Variants in PDE4D observed in about 807,000 individuals in gnomAD.
The protein encoded by PDE4D is 3',5'-cyclic-AMP phosphodiesterase 4D.
A neutral mutation model predicts 87.4 loss-of-function variants in PDE4D; 24 were observed. That is an observed-to-expected ratio of 0.27 (90% CI 0.20 to 0.39). PDE4D has a LOEUF of 0.39. PDE4D is among the 10% of genes least tolerant of loss of function. The probability of loss-of-function intolerance (pLI) is 1.00; values close to 1 mark genes in which losing one functional copy is unlikely to be tolerated. For synonymous variants in PDE4D, 384 were observed against 383.2 expected (o/e 1.00, Z -0.02); for missense variants, 714 against 1,041.0 (o/e 0.69, Z 4.32).
At chr5:59,742,695 A>G (rs1190793835) in intron 1 of PDE4D, among the ~76,000 whole-genome samples, 1 of 152,186 alleles carries the variant, frequency 6.6e-6, no homozygotes, top group East Asian at 1.9e-4. Context: ...CACTTAGGTA[A>G]TGCCCTGAAA....
chr5:59,980,820 G>A (rs571728627), intron 3 of PDE4D, among the ~76,000 whole-genome samples: 7 of 152,290 alleles, frequency 4.6e-5, no homozygotes, highest in Non-Finnish European at 8.8e-5. Context: ...TATGATAGGT[G>A]AGAAAAAAGT....
At chr5:60,144,072 C>A (rs145056306) in intron 2 of PDE4D, among the ~76,000 whole-genome samples, 11 of 152,298 alleles carry the variant, frequency 7.2e-5, no homozygotes, top group Non-Finnish European at 1.5e-5. Flanking sequence ...TGCTGGCTGG[C>A]TGACCCTATC....
At chr5:58,978,737 A>AT (rs957479590) in intron 11 of PDE4D, among the ~76,000 whole-genome samples, 11 of 152,026 alleles carry the variant, frequency 7.2e-5, no homozygotes, top group East Asian at 1.9e-4. Flanking sequence ...TTTGTACAGT[A>AT]TTTTTTTGTT....
chr5:60,105,304 T>G (rs1017218544), intron 2 of PDE4D, among the ~76,000 whole-genome samples: 24 of 151,718 alleles, frequency 1.6e-4, no homozygotes, highest in Admixed American at 3.9e-4. Flanking sequence ...AGAAGGGAAG[T>G]TTAGAGAAAA....
intron 1 of PDE4D, among the ~76,000 whole-genome samples, chr5:59,339,068 C>G (rs1778250203): frequency 6.6e-6 from 1 of 152,170 alleles, no homozygotes; most frequent in African/African-American, 2.4e-5. Flanking sequence ...TCCTACAGAA[C>G]TGTAGCTTCA....
chr5:59,784,707 T>C (rs553884901), intron 1 of PDE4D, among the ~76,000 whole-genome samples: 2 of 152,180 alleles, frequency 1.3e-5, no homozygotes, highest in Non-Finnish European at 2.9e-5. Flanking sequence ...AAGCCTGTTT[T>C]AAAATGGGTG....
rs370164913 is a variant in PDE4D at position 59,482,769 on chromosome 5, CCTCT to C, written c.456-266805_456-266802del. Reference sequence around the variant, plus strand: ...AAATCACAAATTTCCTTCTTATGCTCCTCTCTAATAATAACCATCATTTTTCTAT... The same window carrying C: ...AAATCACAAATTTCCTTCTTATGCTCCTAATAATAACCATCATTTTTCTAT... On this transcript the variant is annotated intron_variant, in intron 1 of 14. Coordinates refer to ENST00000340635, the MANE Select transcript of PDE4D (RefSeq NM_001104631.2). 3.4e-3 allele frequency among the ~76,000 whole-genome samples: 516 copies of C among 152,200 alleles called. 8 individuals carry two copies. Among genetic ancestry groups the C allele is most frequent in the African/African-American group, 0.012 (487 of 41,542 alleles).
intron 1 of PDE4D, among the ~76,000 whole-genome samples, chr5:59,636,879 G>A (rs906604855): frequency 2.6e-5 from 4 of 152,264 alleles, no homozygotes; most frequent in African/African-American, 9.6e-5. Flanking sequence ...AAAAGCAATG[G>A]CAACGAAAGC....
At chr5:59,029,295 T>C (rs1478964815) in intron 6 of PDE4D, among the ~76,000 whole-genome samples, 1 of 150,470 alleles carries the variant, frequency 6.6e-6, no homozygotes, top group East Asian at 2.0e-4. Context: ...CAGGCGCCTG[T>C]AGTCCCAGCT....
chr5:59,238,539 G>A (rs927379915), intron 1 of PDE4D, among the ~76,000 whole-genome samples: 2 of 152,112 alleles, frequency 1.3e-5, no homozygotes, highest in Admixed American at 6.6e-5. Context: ...GTTGAGCACC[G>A]TGGATTACTA....
At chr5:59,550,268 A>C (rs1817896973) in intron 1 of PDE4D, among the ~76,000 whole-genome samples, 1 of 152,230 alleles carries the variant, frequency 6.6e-6, no homozygotes. Flanking sequence ...ATATTGTGCT[A>C]ATTCCCGCTG....
At chr5:59,934,899 G>A (rs1756394783) in intron 3 of PDE4D, among the ~76,000 whole-genome samples, 1 of 152,012 alleles carries the variant, frequency 6.6e-6, no homozygotes, top group Non-Finnish European at 1.5e-5. Context: ...GAAGATATAG[G>A]TACAAAAAAA....
chr5:60,457,963 A>G (rs1456561602), intron 1 of PDE4D, among the ~76,000 whole-genome samples: 1 of 152,210 alleles, frequency 6.6e-6, no homozygotes, highest in Non-Finnish European at 1.5e-5. Context: ...AGCACCTAAT[A>G]TGTATCAGAC....
chr5:59,107,770 C>T (rs894182159), intron 5 of PDE4D, among the ~76,000 whole-genome samples: 1 of 152,130 alleles, frequency 6.6e-6, no homozygotes. Flanking sequence ...ACTCGGTTTG[C>T]TTTAACCAAC....
intron 5 of PDE4D, among the ~76,000 whole-genome samples, chr5:59,160,485 T>C (rs1780902041): frequency 6.6e-6 from 1 of 151,998 alleles, no homozygotes; most frequent in African/African-American, 2.4e-5. Flanking sequence ...ATTAGCTGCA[T>C]TAAAAAAAAG....
At chr5:59,528,339 G>A (rs902010689) in intron 1 of PDE4D, among the ~76,000 whole-genome samples, 1 of 152,182 alleles carries the variant, frequency 6.6e-6, no homozygotes, top group African/African-American at 2.4e-5. Flanking sequence ...GAGAATGGAT[G>A]ACAGAATCAG....
intron 5 of PDE4D, among the ~76,000 whole-genome samples, chr5:59,117,250 A>G (rs1773755798): frequency 6.6e-6 from 1 of 152,226 alleles, no homozygotes. Context: ...ACTGCTATCA[A>G]TAATTCAACT....
intron 1 of PDE4D, among the ~76,000 whole-genome samples, chr5:59,280,450 A>G (rs1006644033): frequency 2.6e-5 from 4 of 152,120 alleles, no homozygotes; most frequent in African/African-American, 4.8e-5. Context: ...CACTAATTCA[A>G]TACTGGATTT....
intron 1 of PDE4D, among the ~76,000 whole-genome samples, chr5:59,236,681 A>G (rs1756504257): frequency 6.6e-6 from 1 of 151,836 alleles, no homozygotes; most frequent in African/African-American, 2.4e-5. Context: ...ATATTACACC[A>G]CCTTCCTTGG....
Sources: gnomAD v4.1 joint callset for allele counts (sites outside exome capture counted in the v4.1 genomes callset) on GRCh38, gnomAD v4.1.1 for gene constraint, MANE v1.5 for transcripts, NCBI Gene and HGNC (gene_info 2026-07-23, HGNC 2026-07-21) for gene names.